The following CA10 variants were observed in gnomAD, a reference collection of about 807,000 sequenced individuals.
CA10 encodes the protein carbonic anhydrase-related protein 10.
CA10 carries 14 observed loss-of-function variants against 44.2 expected under a neutral mutation model. The ratio of observed to expected loss-of-function variants is 0.32; its 90% confidence interval spans 0.21 to 0.50. CA10 has a LOEUF of 0.50. Among genes scored for constraint, CA10 ranks in the 20% least tolerant of loss-of-function variants. The pLI, the probability that CA10 is intolerant of heterozygous loss-of-function variation, is 0.99. For missense variants in CA10, 350 were observed against 409.7 expected (o/e 0.85, Z 1.26); for synonymous variants, 159 against 141.6 (o/e 1.12, Z -0.87).
chr17:52,139,937 G>A (rs1989441183), intron 1 of CA10, among the ~76,000 whole-genome samples: 1 of 152,254 alleles, frequency 6.6e-6, no homozygotes, highest in African/African-American at 2.4e-5. Flanking sequence ...ATTATCAAAC[G>A]AAAGAATAAA....
At chr17:51,779,148 A>G (rs567330244) in intron 3 of CA10, among the ~76,000 whole-genome samples, 3 of 152,200 alleles carry the variant, frequency 2.0e-5, no homozygotes, top group African/African-American at 7.2e-5. Flanking sequence ...GGCAGGTTAT[A>G]GGCACTGTTT....
intron 4 of CA10, among the ~76,000 whole-genome samples, chr17:51,715,027 G>C (rs1916054100): frequency 6.6e-6 from 1 of 152,124 alleles, no homozygotes; most frequent in Admixed American, 6.5e-5. Context: ...GTGGTGAAAA[G>C]AACAAAATAA....
At chr17:52,052,499 CAT>C (rs1987105437) in intron 2 of CA10, among the ~76,000 whole-genome samples, 1 of 151,872 alleles carries the variant, frequency 6.6e-6, no homozygotes. Flanking sequence ...ATGCTTCCCA[CAT>C]GTTATTACAG....
chr17:51,871,300 C>A (rs552267617), intron 3 of CA10, among the ~76,000 whole-genome samples: 15 of 151,162 alleles, frequency 9.9e-5, no homozygotes, highest in African/African-American at 3.6e-4. Flanking sequence ...GGCATGATCT[C>A]AGCTCACTGC....
intron 3 of CA10, among the ~76,000 whole-genome samples, chr17:51,859,887 A>G (rs1979226156): frequency 1.3e-5 from 2 of 152,154 alleles, no homozygotes; most frequent in Admixed American, 1.3e-4. Context: ...TTGCCATGAT[A>G]CACATAAGAA....
At chr17:51,849,632 GA>G (rs1343905556) in intron 3 of CA10, among the ~76,000 whole-genome samples, 2 of 152,174 alleles carry the variant, frequency 1.3e-5, no homozygotes, top group African/African-American at 4.8e-5. Flanking sequence ...TCTTTAGTGA[GA>G]TTATAGATCT....
intron 2 of CA10, among the ~76,000 whole-genome samples, chr17:51,991,042 C>G (rs895563360): frequency 1.3e-5 from 2 of 152,130 alleles, no homozygotes; most frequent in African/African-American, 4.8e-5. Context: ...CTCAGGCTCT[C>G]TGAACGTTAT....
At chr17:52,033,832 T>C (rs1986539218) in intron 2 of CA10, among the ~76,000 whole-genome samples, 1 of 152,158 alleles carries the variant, frequency 6.6e-6, no homozygotes, top group Non-Finnish European at 1.5e-5. Flanking sequence ...GGGTTTGCAC[T>C]CCTAAGAGAT....
chr17:52,151,693 C>T (rs560450699), intron 1 of CA10, among the ~76,000 whole-genome samples: 35 of 152,128 alleles, frequency 2.3e-4, no homozygotes, highest in African/African-American at 7.0e-4. Flanking sequence ...TTATTGATGT[C>T]AGTGATGATG....
chr17:52,047,038 TTTTA>T (rs1282827025), intron 2 of CA10, among the ~76,000 whole-genome samples: 1 of 151,996 alleles, frequency 6.6e-6, no homozygotes, highest in Non-Finnish European at 1.5e-5. Flanking sequence ...TGTTCATAAG[TTTTA>T]TTTCAGATAA....
At chr17:51,801,497 A>G (rs1906930300) in intron 3 of CA10, among the ~76,000 whole-genome samples, 1 of 152,144 alleles carries the variant, frequency 6.6e-6, no homozygotes, top group Non-Finnish European at 1.5e-5. Flanking sequence ...AAATTAAAAA[A>G]AAACAGGCTC....
At chr17:52,011,807 A>T (rs1234278006) in intron 2 of CA10, among the ~76,000 whole-genome samples, 1 of 152,078 alleles carries the variant, frequency 6.6e-6, no homozygotes, top group Non-Finnish European at 1.5e-5. Context: ...GGGACCAGAA[A>T]TACATGCTAA....
At chr17:52,021,099 C>G (rs1228354147) in intron 2 of CA10, among the ~76,000 whole-genome samples, 3 of 151,754 alleles carry the variant, frequency 2.0e-5, no homozygotes, top group African/African-American at 7.3e-5. Context: ...TACTCATGTA[C>G]CCCCTGAATC....
intron 1 of CA10, among the ~76,000 whole-genome samples, chr17:52,105,904 T>G (rs1988651463): frequency 6.6e-6 from 1 of 152,212 alleles, no homozygotes; most frequent in South Asian, 2.1e-4. Context: ...CAATGAAATA[T>G]TGCATGAAAA....
chr17:51,932,362 G>A (rs1982699011), intron 2 of CA10, among the ~76,000 whole-genome samples: 1 of 152,114 alleles, frequency 6.6e-6, no homozygotes, highest in Non-Finnish European at 1.5e-5. Flanking sequence ...CATCATTCTT[G>A]CCTATAGCAT....
intron 2 of CA10, among the ~76,000 whole-genome samples, chr17:51,946,462 G>A (rs920323801): frequency 5.3e-5 from 8 of 152,090 alleles, no homozygotes; most frequent in African/African-American, 1.7e-4. Flanking sequence ...CCTTTAGTCT[G>A]GCTTTGACTG....
At chr17:51,675,111 A>T (rs1914571462) in intron 4 of CA10, among the ~76,000 whole-genome samples, 1 of 152,208 alleles carries the variant, frequency 6.6e-6, no homozygotes, top group African/African-American at 2.4e-5. Context: ...GAGGTAAGAA[A>T]GCGTAGTTTT....
intron 1 of CA10, among the ~76,000 whole-genome samples, chr17:52,137,716 C>T (rs1989390120): frequency 1.3e-5 from 2 of 152,242 alleles, no homozygotes; most frequent in East Asian, 1.9e-4. Flanking sequence ...ATAAATGGAA[C>T]ATTTGTTGAA....
intron 3 of CA10, among the ~76,000 whole-genome samples, chr17:51,890,365 G>A (rs1163633149): frequency 6.6e-6 from 1 of 152,066 alleles, no homozygotes; most frequent in Admixed American, 6.6e-5. Flanking sequence ...AAGACTTGTT[G>A]CCATTTGCTC....
Sources: allele counts gnomAD v4.1 joint callset (sites outside exome capture counted in the v4.1 genomes callset), GRCh38; gene constraint gnomAD v4.1.1; transcripts MANE v1.5; gene names NCBI Gene and HGNC (gene_info 2026-07-23, HGNC 2026-07-21).